COL6A6: variants seen among roughly 807,000 people sequenced by gnomAD.
COL6A6 encodes the protein collagen alpha-6(VI) chain.
COL6A6 carries 183 observed loss-of-function variants against 208.6 expected under a neutral mutation model. That is an observed-to-expected ratio of 0.88 (90% CI 0.78 to 0.99). The LOEUF is 0.99. Ranked by LOEUF, COL6A6 falls within the 50% of genes least tolerant of loss-of-function variation. The probability of loss-of-function intolerance (pLI) is 0.00; values close to 1 mark genes in which losing one functional copy is unlikely to be tolerated. For missense variants in COL6A6, 2,816 were observed against 2,815.2 expected, an observed-to-expected ratio of 1.00 and a Z score of -0.01; for synonymous variants, 973 against 1,011.8, an observed-to-expected ratio of 0.96 and a Z score of 0.73.
At chr3:130,608,449 T>A (rs1349003948) in intron 21 of COL6A6, among the ~76,000 whole-genome samples, 1 of 152,174 alleles carries the variant, frequency 6.6e-6, no homozygotes, top group Non-Finnish European at 1.5e-5. Flanking sequence ...TGTGACAGAA[T>A]TCAAGAACAA....
rs757950137 is a variant in COL6A6 at position 130,581,945 on chromosome 3, T to C, written c.3891+41T>C. On this transcript the variant is annotated intron_variant, in intron 9 of 36. Transcript: ENST00000358511. ...CTTATTTGTTGGTCTATGATTGCAA[T>C]GAACCCTTTTTAATTCATTTTACTT... The C allele has an allele frequency of 6.3e-6, 10 of 1,591,336 alleles. No homozygotes were observed. The South Asian group carries it at 1.0e-4, about 16-fold the overall frequency.
At chr3:130,640,862 T>C (rs1339621903) in intron 28 of COL6A6, among the ~76,000 whole-genome samples, 1 of 152,224 alleles carries the variant, frequency 6.6e-6, no homozygotes, top group Non-Finnish European at 1.5e-5. Flanking sequence ...TTCTAGACTT[T>C]TTGCTTTTTG....
intron 22 of COL6A6, among the ~76,000 whole-genome samples, chr3:130,610,153 A>T (rs984218917): frequency 2.6e-5 from 4 of 152,060 alleles, no homozygotes; most frequent in Non-Finnish European, 5.9e-5. Context: ...ACAGCATGAA[A>T]GTTTCTCTGC....
At position 130,675,407 on chromosome 3, in the gene COL6A6, T is replaced by C; in HGVS notation, c.*10T>C. 6.4e-7 allele frequency: 1 copy of C among 1,559,486 alleles called. No individual in the cohort carries two copies. Among genetic ancestry groups the C allele is most frequent in the Non-Finnish European group, 8.7e-7 (1 of 1,153,280 alleles). On this transcript the variant is annotated 3_prime_UTR_variant, in exon 37 of 37. Coordinates refer to ENST00000358511, the MANE Select transcript of COL6A6 (RefSeq NM_001102608.3). The stretch of plus-strand genomic sequence containing the variant: ...CAAACAACATGATTAAAAAAATGCT[T>C]GAACAACTTAGCCTTAGGAAGCATG...
chr3:130,554,629 G>T (rs1210358378), intron 1 of COL6A6, among the ~76,000 whole-genome samples: 2 of 152,192 alleles, frequency 1.3e-5, no homozygotes, highest in African/African-American at 4.8e-5. Context: ...GGCATTGGAG[G>T]TGTGGTGGAG....
intron 22 of COL6A6, 54 bp from the exon 23 acceptor site, chr3:130,610,595 A>G: frequency 8.0e-7 from 1 of 1,253,886 alleles, no homozygotes; most frequent in South Asian, 1.3e-5. Flanking sequence ...ATTCAATTTA[A>G]TATTCAATGT....
chr3:130,568,119 G>A lies in COL6A6; in HGVS notation c.1916G>A (p.Ser639Asn), dbSNP rs539938969. 4.3e-6 allele frequency: 7 copies of A among 1,613,984 alleles called. No homozygotes were observed. The South Asian group carries it at 7.7e-5, about 18-fold the overall frequency. Reference protein sequence around the residue: ...SSGSIGPENFSKMKTFMKNLV... With the variant: ...SSGSIGPENFNKMKTFMKNLV... ...GGAAGTATAGGACCTGAAAACTTCA[G>A]CAAAATGAAAACATTTATGAAAAAC... The change falls in exon 6 of 37, where the codon AGC becomes AAC. Residue 639 changes from serine to asparagine, a missense_variant. Coordinates refer to ENST00000358511, the MANE Select transcript of COL6A6 (RefSeq NM_001102608.3).
intron 32 of COL6A6, among the ~76,000 whole-genome samples, chr3:130,645,528 T>C (rs1451101624): frequency 6.6e-6 from 1 of 152,192 alleles, no homozygotes; most frequent in East Asian, 1.9e-4. Context: ...TCCACCTGCT[T>C]TGGCATCTCA....
At chr3:130,521,518 T>A (rs1030554375) in intron 1 of COL6A6, among the ~76,000 whole-genome samples, 7 of 152,250 alleles carry the variant, frequency 4.6e-5, no homozygotes, top group African/African-American at 1.7e-4. Context: ...GAAACTTTAA[T>A]GTGAAGATGA....
chr3:130,568,171 A>G lies in COL6A6; in HGVS notation c.1968A>G (p.Pro656=). 3 of 1,614,054 alleles carry G rather than the reference A, an allele frequency of 1.9e-6. No individual in the cohort carries two copies. The highest frequency in any genetic ancestry group is 2.5e-6 in the Non-Finnish European group (3 of 1,179,896). Residue 656 remains proline (P), a synonymous_variant, in exon 6 of 37, where the codon CCA becomes CCG. Coordinates refer to ENST00000358511, the MANE Select transcript of COL6A6 (RefSeq NM_001102608.3). ...TGGTGAGCAAGTCTCAGATTGGACC[A>G]GATCGGGTGCAAATTGGTGTAGTCC... ...KNLVSKSQIG[P]DRVQIGVVQF...
intron 10 of COL6A6, among the ~76,000 whole-genome samples, chr3:130,582,614 AG>A (rs2063451655): frequency 6.6e-6 from 1 of 152,134 alleles, no homozygotes; most frequent in Admixed American, 6.5e-5. Context: ...TTGAACCAAA[AG>A]CTATTCTGAG....
intron 7 of COL6A6, among the ~76,000 whole-genome samples, chr3:130,572,236 A>C (rs2063186186): frequency 6.6e-6 from 1 of 152,236 alleles, no homozygotes; most frequent in South Asian, 2.1e-4. Flanking sequence ...TTTCCAGGAC[A>C]GAGCATAGTG....
Position 130,571,235 on chromosome 3 carries a change from G to C in COL6A6, c.2819G>C (p.Gly940Ala). The C allele has an allele frequency of 6.2e-7, 1 of 1,614,042 alleles. No homozygotes were observed. Among genetic ancestry groups the C allele is most frequent in the Non-Finnish European group, 8.5e-7 (1 of 1,179,896 alleles). ...NATAKALRDKGILVLAVGIDG... is the reference protein window; with the variant it reads ...NATAKALRDKAILVLAVGIDG... ...ACGGCAAAGGCCTTGCGGGACAAAG[G>C]CATTCTTGTCCTGGCTGTGGGGATT... Residue 940 changes from glycine to alanine, a missense_variant, in exon 7 of 37, where the codon GGC becomes GCC. Physicochemically the swap from Gly to Ala is moderately conservative, Grantham distance 60. Coordinates refer to ENST00000358511, the MANE Select transcript of COL6A6 (RefSeq NM_001102608.3).
intron 28 of COL6A6, among the ~76,000 whole-genome samples, chr3:130,636,332 A>T (rs559662433): frequency 6.6e-6 from 1 of 152,360 alleles, no homozygotes; most frequent in East Asian, 1.9e-4. Flanking sequence ...GGTCTCCAGT[A>T]CAATTCATCC....
chr3:130,585,975 G>A (rs1370942403), intron 10 of COL6A6, among the ~76,000 whole-genome samples: 1 of 152,192 alleles, frequency 6.6e-6, no homozygotes, highest in African/African-American at 2.4e-5. Context: ...CTGTTTTTGA[G>A]ACAGGGTTTT....
chr3:130,581,960 T>G (rs1382678778), intron 9 of COL6A6, 30 bp from the exon 10 acceptor site: 1 of 1,593,956 alleles, frequency 6.3e-7, no homozygotes, highest in East Asian at 2.2e-5. Flanking sequence ...CCTTTTTAAT[T>G]CATTTTACTT....
intron 6 of COL6A6, among the ~76,000 whole-genome samples, chr3:130,570,282 A>G (rs2063130326): frequency 6.6e-6 from 1 of 152,248 alleles, no homozygotes; most frequent in Non-Finnish European, 1.5e-5. Context: ...AGATGTTTCA[A>G]AAAAGTCAAA....
chr3:130,649,261 AC>A lies in COL6A6; in HGVS notation c.5434del (p.Val1813CysfsTer85), dbSNP rs1292890204. 1 of 1,599,594 alleles carries A rather than the reference AC, an allele frequency of 6.3e-7. No homozygotes were observed. The highest frequency in any genetic ancestry group is 8.5e-7 in the Non-Finnish European group (1 of 1,173,258). On this transcript the variant is annotated frameshift_variant, in exon 33 of 37. Transcript: ENST00000358511. LOFTEE classifies it high-confidence loss of function. Reference sequence around the variant, plus strand: ...CTCTCCTATAACTCCCACGCCAGGCACCTTGTGCGCTTCTCAGACGCCTACA... The same window carrying A: ...CTCTCCTATAACTCCCACGCCAGGCACTTGTGCGCTTCTCAGACGCCTACA... The part of the protein sequence containing the change: ...AILSYNSHAR[H>X]LVRFSDAYKK...
intron 23 of COL6A6, among the ~76,000 whole-genome samples, chr3:130,616,415 TA>T (rs1179210897): frequency 6.6e-6 from 1 of 152,124 alleles, no homozygotes; most frequent in Non-Finnish European, 1.5e-5. Flanking sequence ...AGTATATGAC[TA>T]TGATACAAAA....
Sources: allele counts gnomAD v4.1 joint callset (sites outside exome capture counted in the v4.1 genomes callset), GRCh38; gene constraint gnomAD v4.1.1; transcripts MANE v1.5; gene names NCBI Gene and HGNC (gene_info 2026-07-23, HGNC 2026-07-21).